CLNK: variants seen among roughly 807,000 people sequenced by gnomAD.
The protein encoded by CLNK is cytokine dependent hematopoietic cell linker, also known as cytokine-dependent hematopoietic cell linker.
CLNK carries 74 observed loss-of-function variants against 68.6 expected under a neutral mutation model. That is an observed-to-expected ratio of 1.08 (90% CI 0.89 to 1.31). The LOEUF (loss-of-function observed/expected upper bound fraction) is 1.31. CLNK is among the 50% of genes most tolerant of loss of function. CLNK has a pLI of 0.00. For missense variants in CLNK, 553 were observed against 515.3 expected (o/e 1.07, Z -0.71); for synonymous variants, 198 against 172.2 (o/e 1.15, Z -1.17).
chr4:10,654,405 A>ATATATATATATATATATATATAT (rs1367370247), intron 2 of CLNK, among the ~76,000 whole-genome samples: 59 of 117,020 alleles, frequency 5.0e-4, no homozygotes, highest in South Asian at 1.4e-3. Flanking sequence ...ATATATATAG[A>ATATATATATATATATATATATAT]AAGTCTCTTG....
chr4:10,698,255 A>C, the CLNK span, among the ~76,000 whole-genome samples: 1 of 152,110 alleles, frequency 6.6e-6, no homozygotes, highest in African/African-American at 2.4e-5. Flanking sequence ...TCAAACTAGC[A>C]ATTATAGGGT....
At chr4:10,506,809 A>AT (rs906550302) in intron 17 of CLNK, among the ~76,000 whole-genome samples, 1 of 151,516 alleles carries the variant, frequency 6.6e-6, no homozygotes, top group Non-Finnish European at 1.5e-5. Context: ...CATGTTTTTT[A>AT]TTTTTTTTGA....
the CLNK span, among the ~76,000 whole-genome samples, chr4:10,719,016 T>C: frequency 6.6e-6 from 1 of 151,978 alleles, no homozygotes; most frequent in Non-Finnish European, 1.5e-5. Flanking sequence ...GAGCAAGCAC[T>C]AAAAATAATA....
intron 14 of CLNK, among the ~76,000 whole-genome samples, chr4:10,525,290 C>T (rs1383013267): frequency 1.3e-5 from 2 of 152,212 alleles, no homozygotes; most frequent in African/African-American, 4.8e-5. Flanking sequence ...TGGTCTCGAT[C>T]TCCTGACCTC....
intron 17 of CLNK, among the ~76,000 whole-genome samples, chr4:10,502,418 C>T (rs1717094126): frequency 6.6e-6 from 1 of 151,996 alleles, no homozygotes; most frequent in South Asian, 2.1e-4. Flanking sequence ...CAGGTCTCTC[C>T]CTAGACACGT....
chr4:10,552,371 G>A (rs1002297509), intron 8 of CLNK, among the ~76,000 whole-genome samples: 6 of 152,124 alleles, frequency 3.9e-5, no homozygotes, highest in Non-Finnish European at 7.3e-5. Context: ...CAGCTAAGGC[G>A]CAGACATAAA....
intron 17 of CLNK, among the ~76,000 whole-genome samples, chr4:10,503,012 G>C (rs1473734991): frequency 6.6e-6 from 1 of 152,288 alleles, no homozygotes; most frequent in East Asian, 1.9e-4. Context: ...ACTAAGATCT[G>C]GTTGTAAAAG....
At chr4:10,595,774 C>A (rs1577155023) in intron 3 of CLNK, among the ~76,000 whole-genome samples, 1 of 152,316 alleles carries the variant, frequency 6.6e-6, no homozygotes, top group South Asian at 2.1e-4. Context: ...TTCACCCTCT[C>A]TGGGCTGCAT....
At chr4:10,558,756 A>G (rs1719776797) in intron 7 of CLNK, among the ~76,000 whole-genome samples, 1 of 152,164 alleles carries the variant, frequency 6.6e-6, no homozygotes, top group African/African-American at 2.4e-5. Flanking sequence ...TTTCATCTTT[A>G]TCATAGGAAA....
At chr4:10,652,857 C>T (rs890410453) in intron 2 of CLNK, among the ~76,000 whole-genome samples, 1 of 152,030 alleles carries the variant, frequency 6.6e-6, no homozygotes, top group African/African-American at 2.4e-5. Context: ...AAAAAATGCC[C>T]CTTATATCAT....
At chr4:10,527,205 T>C (rs1335192695) in intron 13 of CLNK, among the ~76,000 whole-genome samples, 1 of 152,226 alleles carries the variant, frequency 6.6e-6, no homozygotes, top group Non-Finnish European at 1.5e-5. Context: ...CTGAACATTT[T>C]AGTTAGGAGG....
At chr4:10,723,919 AAGG>A in the CLNK span, among the ~76,000 whole-genome samples, 3 of 148,140 alleles carry the variant, frequency 2.0e-5, no homozygotes, top group Non-Finnish European at 3.0e-5. Flanking sequence ...AGAGAGAGAG[AAGG>A]CAGGGCAGCG....
chr4:10,688,151 G>C (rs115068817), upstream of CLNK, among the ~76,000 whole-genome samples: 155 of 152,310 alleles, frequency 1.0e-3, no homozygotes, highest in Non-Finnish European at 2.0e-3. Flanking sequence ...CTTGGCTTTT[G>C]TTGGGCCTGT....
At chr4:10,728,736 C>T in the CLNK span, among the ~76,000 whole-genome samples, 2 of 151,756 alleles carry the variant, frequency 1.3e-5, no homozygotes, top group Non-Finnish European at 2.9e-5. Context: ...CTACAGGCGC[C>T]TGCCACCACG....
the CLNK span, among the ~76,000 whole-genome samples, chr4:10,734,171 C>T: frequency 3.9e-5 from 6 of 152,104 alleles, no homozygotes; most frequent in Non-Finnish European, 8.8e-5. Context: ...ATCAAGTTAG[C>T]CAAAAGTCAG....
chr4:10,553,543 C>T lies in CLNK; in HGVS notation c.445+4864G>A, dbSNP rs139312533. 5.4e-3 allele frequency among the ~76,000 whole-genome samples: 829 copies of T among 152,166 alleles called. 23 individuals are homozygous for T. In the South Asian group the frequency reaches 0.077, roughly 14 times the overall value. On this transcript the variant is annotated intron_variant, in intron 8 of 18. Coordinates refer to ENST00000226951, the MANE Select transcript of CLNK (RefSeq NM_052964.4). ...CTTGGCTCGCTGCAACCTCCGCCTC[C>T]CAGGCTCAAGCAATTCTCCTGCCTC...
At chr4:10,718,981 G>A in the CLNK span, among the ~76,000 whole-genome samples, 1 of 152,012 alleles carries the variant, frequency 6.6e-6, no homozygotes, top group Non-Finnish European at 1.5e-5. Context: ...TGTAGTAAAT[G>A]TTGAATGTAT....
the CLNK span, among the ~76,000 whole-genome samples, chr4:10,734,457 C>A: frequency 1.3e-5 from 2 of 152,180 alleles, no homozygotes; most frequent in Non-Finnish European, 2.9e-5. Flanking sequence ...TACTCAGGAC[C>A]AGTCTGTTGA....
intron 3 of CLNK, among the ~76,000 whole-genome samples, chr4:10,593,585 C>T (rs61795149): frequency 0.04 from 6,067 of 152,200 alleles, 176 homozygotes; most frequent in Middle Eastern, 0.099. Flanking sequence ...ACCTGAGAGG[C>T]GGAGGTTGCA....
Sources: allele counts gnomAD v4.1 joint callset (sites outside exome capture counted in the v4.1 genomes callset), GRCh38; gene constraint gnomAD v4.1.1; transcripts MANE v1.5; gene names NCBI Gene and HGNC (gene_info 2026-07-23, HGNC 2026-07-21).